PRDM7: variants seen among roughly 807,000 people sequenced by gnomAD.
PRDM7 encodes the protein PR/SET domain 7, also known as histone-lysine N-methyltransferase PRDM7.
Under a neutral mutation model 64.3 loss-of-function variants are expected in PRDM7, and 52 were observed. The observed-to-expected ratio is 0.81, with a 90% CI of 0.65 to 1.02. The LOEUF is 1.02. Ranked by LOEUF, PRDM7 falls within the 50% of genes least tolerant of loss-of-function variation. The pLI, the probability that PRDM7 is intolerant of heterozygous loss-of-function variation, is 0.00. For missense variants in PRDM7, 574 were observed against 597.1 expected (o/e 0.96, Z 0.40); for synonymous variants, 192 against 210.1 (o/e 0.91, Z 0.74).
intron 4 of PRDM7, among the ~76,000 whole-genome samples, chr16:90,071,672 G>A (rs1268491967): frequency 6.6e-6 from 1 of 152,170 alleles, no homozygotes; most frequent in Non-Finnish European, 1.5e-5. Flanking sequence ...CCATTCATGA[G>A]GTTGGAGCTA....
chr16:90,058,079 T>C lies in PRDM7; in HGVS notation c.*210A>G, dbSNP rs1240232075. The C allele has an allele frequency of 5.6e-6, 9 of 1,613,546 alleles. No individual in the cohort carries two copies. In the African/African-American group the frequency reaches 9.3e-5, roughly 17 times the overall value. ...TGTGTAATAACATCTGACTTATCAC[T>C]GAAACCTTGCCCACACTCTCCATAT... On this transcript the variant is annotated 3_prime_UTR_variant, in exon 11 of 11. Coordinates refer to ENST00000449207, the MANE Select transcript of PRDM7 (RefSeq NM_001098173.2).
intron 4 of PRDM7, among the ~76,000 whole-genome samples, chr16:90,071,290 C>G (rs1415417533): frequency 1.3e-5 from 2 of 152,124 alleles, no homozygotes; most frequent in Admixed American, 6.6e-5. Context: ...TGCCACCATG[C>G]CTGGCTAATT....
rs756094665 is a variant in PRDM7 at position 90,075,796 on chromosome 16, G to T, written c.69+46C>A. On this transcript the variant is annotated intron_variant, in intron 2 of 10. Transcript: ENST00000449207. This position sits in a 1 kb window ranked among gnomAD's most constrained non-coding sequence, Gnocchi z 4.3. ...GGCCAGGAGTCTGCAGCACTCCAGA[G>T]ATCAGCTCCTGCTGGGAGTCTGGCT... is the stretch of plus-strand genomic sequence containing the variant. 2.5e-6 allele frequency: 4 copies of T among 1,594,412 alleles called. No homozygotes were observed. In the Admixed American group the frequency reaches 6.8e-5, roughly 27 times the overall value.
chr16:90,072,633 TAA>T (rs1246827125), intron 4 of PRDM7, among the ~76,000 whole-genome samples: 3 of 152,244 alleles, frequency 2.0e-5, no homozygotes, highest in Non-Finnish European at 4.4e-5. Context: ...TCATGCAAGA[TAA>T]AGAGTTCTAG....
Position 90,063,570 on chromosome 16 carries a change from G to T in PRDM7, c.508+42C>A, listed in dbSNP as rs1316414042. 4.4e-6 allele frequency: 7 copies of T among 1,604,196 alleles called. No individual in the cohort carries two copies. The Admixed American group carries it at 1.2e-4, about 27-fold the overall frequency. On this transcript the variant is annotated intron_variant, in intron 6 of 10. Transcript: ENST00000449207. ...TAGACCATACTCACCAACCTTTCTAGAGGACATAGAGGGACTAAATTCCCC... is the reference window on the plus strand; with the variant it reads ...TAGACCATACTCACCAACCTTTCTATAGGACATAGAGGGACTAAATTCCCC...
Position 90,057,890 on chromosome 16 carries a change from A to C in PRDM7, c.*399T>G, listed in dbSNP as rs1282597947. ...GTCTCCCCTGTGTGTCCTCTGGTGA[A>C]TGAGGAGGACTGACTTCCGGCTAAA... On this transcript the variant is annotated 3_prime_UTR_variant, in exon 11 of 11. Coordinates refer to ENST00000449207, the MANE Select transcript of PRDM7 (RefSeq NM_001098173.2). 5 of 1,524,288 alleles carry C rather than the reference A, an allele frequency of 3.3e-6. No homozygotes were observed. Among genetic ancestry groups the C allele is most frequent in the East Asian group, 2.6e-5 (1 of 39,180 alleles). 94.4% of individuals were successfully genotyped at this position (1,524,288 alleles called of 1,614,324 possible).
rs375703774 is a variant in PRDM7 at position 90,062,135 on chromosome 16, G to A, written c.668C>T (p.Thr223Ile). 6.2e-7 allele frequency: 1 copy of A among 1,614,262 alleles called. No homozygotes were observed. Among genetic ancestry groups the A allele is most frequent in the Non-Finnish European group, 8.5e-7 (1 of 1,180,048 alleles). The stretch of plus-strand genomic sequence containing the variant: ...GTCCACTGCACTGTCCTTTACAAAT[G>A]TAGGGGGCCCATGAGCAGCACAGCT... ...IDSCAAHGPPTFVKDSAVDKG... is the reference protein window; with the variant it reads ...IDSCAAHGPPIFVKDSAVDKG... The change falls in exon 8 of 11, where the codon ACA (threonine) becomes ATA (isoleucine). Residue 223 changes from threonine (T) to isoleucine (I), a missense_variant. By Grantham distance (89) the Thr-to-Ile change is moderately conservative (BLOSUM62 -1). Coordinates refer to ENST00000449207, the MANE Select transcript of PRDM7 (RefSeq NM_001098173.2).
chr16:90,065,898 C>T (rs1305396111), intron 5 of PRDM7, among the ~76,000 whole-genome samples: 3 of 151,222 alleles, frequency 2.0e-5, no homozygotes, highest in African/African-American at 7.4e-5. Flanking sequence ...AGAAAACACT[C>T]AGGAGGCTCT....
chr16:90,074,460 C>A (rs1438594808), intron 4 of PRDM7, among the ~76,000 whole-genome samples: 1 of 151,406 alleles, frequency 6.6e-6, no homozygotes, highest in Admixed American at 6.6e-5. Context: ...ATCTGCAGTC[C>A]CAGCTACTCG....
chr16:90,058,027 G>T lies in PRDM7; in HGVS notation c.*262C>A. Reference sequence around the variant, plus strand: ...CCTCCCACACTCTCTGCAGACGTAGGGCTTCCCCCCTGTGTGTGTCCTTTG... The same window carrying T: ...CCTCCCACACTCTCTGCAGACGTAGTGCTTCCCCCCTGTGTGTGTCCTTTG... On this transcript the variant is annotated 3_prime_UTR_variant, in exon 11 of 11. Coordinates refer to ENST00000449207, the MANE Select transcript of PRDM7 (RefSeq NM_001098173.2). The T allele has an allele frequency of 6.2e-7, 1 of 1,610,442 alleles. No homozygotes were observed. The highest frequency in any genetic ancestry group is 2.2e-5 in the East Asian group (1 of 44,752).
At chr16:90,066,655 G>C (rs1390398834) in intron 5 of PRDM7, among the ~76,000 whole-genome samples, 1 of 151,228 alleles carries the variant, frequency 6.6e-6, no homozygotes, top group Non-Finnish European at 1.5e-5. Context: ...AAAAAAGTCT[G>C]AAAATACTGA....
intron 6 of PRDM7, 61 bp downstream of exon 6, chr16:90,063,551 A>G (rs2037818520): frequency 6.3e-7 from 1 of 1,586,412 alleles, no homozygotes; most frequent in Admixed American, 1.7e-5. Flanking sequence ...TAGGTAGACC[A>G]TACTCACCAA....
chr16:90,076,522 G>A (rs549132067), intron 1 of PRDM7, among the ~76,000 whole-genome samples: 1 of 151,528 alleles, frequency 6.6e-6, no homozygotes, highest in East Asian at 1.9e-4. Context: ...GGTCCCTCAG[G>A]CTGAGGGGAT....
At chr16:90,060,291 G>A (rs2037749853) in intron 10 of PRDM7, 50 bp downstream of exon 10, 2 of 1,612,988 alleles carry the variant, frequency 1.2e-6, no homozygotes, top group African/African-American at 1.3e-5. Flanking sequence ...AAATTCTCTA[G>A]GATAATTCTT....
At position 90,063,651 on chromosome 16, in the gene PRDM7, C is replaced by T. The variant is rs753684287; in HGVS notation, c.469G>A (p.Glu157Lys). The T allele has an allele frequency of 1.9e-6, 3 of 1,614,008 alleles. No homozygotes were observed. The highest frequency in any genetic ancestry group is 4.5e-5 in the East Asian group (2 of 44,884). Residue 157 changes from glutamate to lysine, a missense_variant, in exon 6 of 11, where the codon GAA (glutamate) becomes AAA (lysine). Glu to Lys is a moderately conservative substitution (Grantham distance 56, BLOSUM62 1). Coordinates refer to ENST00000449207, the MANE Select transcript of PRDM7 (RefSeq NM_001098173.2). ...GAGTGCTGTCCAGAGGTACTTGCTT[C>T]TCCAGGAGGGGACACTGGTTTCTGA... ...QAQKPVSPPG[E>K]ASTSGQHSRL...
chr16:90,067,929 A>C (rs1299855879), intron 4 of PRDM7, among the ~76,000 whole-genome samples: 1 of 151,226 alleles, frequency 6.6e-6, no homozygotes. Flanking sequence ...ATGATGAAAA[A>C]CTGAAAGCCT....
intron 9 of PRDM7, 64 bp from the exon 10 acceptor site, chr16:90,060,687 C>T: frequency 1.3e-6 from 2 of 1,585,788 alleles, no homozygotes; most frequent in African/African-American, 1.3e-5. Flanking sequence ...AGGATGACTA[C>T]AATGCTCATC....
intron 4 of PRDM7, among the ~76,000 whole-genome samples, chr16:90,073,018 C>G (rs2037983853): frequency 6.6e-6 from 1 of 152,102 alleles, no homozygotes; most frequent in South Asian, 2.1e-4. Flanking sequence ...CCTAACCAAG[C>G]AGTAGAAGAG....
At position 90,057,534 on chromosome 16, in the gene PRDM7, A is replaced by T. The variant is rs754600973; in HGVS notation, c.*755T>A. On this transcript the variant is annotated 3_prime_UTR_variant, in exon 11 of 11. Coordinates refer to ENST00000449207, the MANE Select transcript of PRDM7 (RefSeq NM_001098173.2). ...GTACACACTTGGGGTTCAGATATGT[A>T]TGGAGACAAAATTAATTAGAACAGG... is the stretch of plus-strand genomic sequence containing the variant. 276 of 283,058 alleles carry T rather than the reference A, an allele frequency of 9.8e-4. 1 individual carries two copies. Among genetic ancestry groups the T allele is most frequent in the Non-Finnish European group, 1.4e-3 (215 of 156,762 alleles). The allele number at this position is 283,058 out of a possible 1,614,324, so 17.5% of individuals were successfully genotyped here.
Sources: allele counts gnomAD v4.1 joint callset (sites outside exome capture counted in the v4.1 genomes callset), GRCh38; gene constraint gnomAD v4.1.1; non-coding constraint Gnocchi (gnomAD v3.1); transcripts MANE v1.5; gene names NCBI Gene and HGNC (gene_info 2026-07-23, HGNC 2026-07-21).